Variants in GSS observed in about 807,000 individuals in gnomAD.
GSS encodes GSH synthetase.
Under a neutral mutation model 60.4 loss-of-function variants are expected in GSS, and 34 were observed. The observed-to-expected ratio is 0.56, with a 90% CI of 0.43 to 0.75. The LOEUF is 0.75. Among genes scored for constraint, GSS ranks in the 30% least tolerant of loss-of-function variants. The pLI is 0.00. For synonymous variants in GSS, 224 were observed against 239.0 expected, an observed-to-expected ratio of 0.94 and a Z score of 0.58; for missense variants, 499 against 595.1, an observed-to-expected ratio of 0.84 and a Z score of 1.68.
At chr20:34,941,138 C>T (rs758871087) in intron 6 of GSS, among the ~76,000 whole-genome samples, 1 of 152,070 alleles carries the variant, frequency 6.6e-6, no homozygotes, top group African/African-American at 2.4e-5. Context: ...GGGCGGATCA[C>T]GAGGTCAGGA....
rs531425565 is a variant in GSS at position 34,945,960 on chromosome 20, G to A, written c.268C>T (p.Leu90Phe). 1.2e-6 allele frequency: 2 copies of A among 1,613,992 alleles called. No homozygotes were observed. The highest frequency in any genetic ancestry group is 1.1e-5 in the South Asian group (1 of 91,086). Reference sequence around the variant, plus strand: ...TGCTTCACTGTCCCCTACCTGGAAAGAGTTTGCTCCAGGAAGGCAGCGTTC... The same window carrying A: ...TGCTTCACTGTCCCCTACCTGGAAAAAGTTTGCTCCAGGAAGGCAGCGTTC... ...SQNAAFLEQT[L>F]SSTIKQDDFT... is the part of the protein sequence containing the mutation. The change falls in exon 3 of 13, where the codon CTT becomes TTT. Residue 90 changes from leucine (L) to phenylalanine (F), a missense_variant. Physicochemically the swap from Leu to Phe is conservative, Grantham distance 22. Coordinates refer to ENST00000651619, the MANE Select transcript of GSS (RefSeq NM_000178.4).
intron 6 of GSS, among the ~76,000 whole-genome samples, chr20:34,938,912 T>C (rs2081461896): frequency 6.6e-6 from 1 of 152,144 alleles, no homozygotes. Context: ...TAAGGCAATT[T>C]CGTTCCTTGG....
chr20:34,951,556 A>T, intron 2 of GSS, 168 bp downstream of exon 2: 1 of 712,498 alleles, frequency 1.4e-6, no homozygotes, highest in Non-Finnish European at 2.3e-6. Context: ...AAATTTGATT[A>T]CTCCAGGACA....
rs146892410 is a variant in GSS at position 34,947,454 on chromosome 20, A to G, written c.130-1356T>C. ...TACAAAATTCAAAAGAGACATAAGAATATATAGTGAGAAGTATGTCTCACT... is the reference window on the plus strand; with the variant it reads ...TACAAAATTCAAAAGAGACATAAGAGTATATAGTGAGAAGTATGTCTCACT... On this transcript the variant is annotated intron_variant, in intron 2 of 12. Coordinates refer to ENST00000651619, the MANE Select transcript of GSS (RefSeq NM_000178.4). Among the ~76,000 whole-genome samples the G allele has an allele frequency of 8.5e-4, 129 of 152,320 alleles. 1 individual carries two copies. The highest frequency in any genetic ancestry group is 3.0e-3 in the African/African-American group (125 of 41,574).
intron 2 of GSS, among the ~76,000 whole-genome samples, chr20:34,949,200 T>G (rs2081546482): frequency 6.6e-6 from 1 of 152,184 alleles, no homozygotes; most frequent in African/African-American, 2.4e-5. Context: ...TCAAATGTAT[T>G]TGAACGTATT....
At position 34,939,642 on chromosome 20, in the gene GSS, CTAT is replaced by C. The variant is rs1478659057; in HGVS notation, c.608+2068_608+2070del. ...AAAACTAATACTTGTCAAATGATAG[CTAT>C]TATTATTATTATTTGGGTTTGTTTT... On this transcript the variant is annotated intron_variant, in intron 6 of 12. Transcript: ENST00000651619. 2.0e-5 allele frequency among the ~76,000 whole-genome samples: 3 copies of C among 150,386 alleles called. No homozygotes were observed. In the East Asian group the frequency reaches 5.8e-4, roughly 29 times the overall value.
At chr20:34,938,105 G>A (rs1205612735) in intron 6 of GSS, among the ~76,000 whole-genome samples, 12 of 152,106 alleles carry the variant, frequency 7.9e-5, no homozygotes, top group East Asian at 3.9e-4. Flanking sequence ...TGATCTGCCC[G>A]CCTCGGCCTC....
chr20:34,935,433 T>C, intron 9 of GSS, 143 bp downstream of exon 9: 1 of 719,866 alleles, frequency 1.4e-6, no homozygotes, highest in African/African-American at 1.7e-5. Flanking sequence ...TGAGGGAGGA[T>C]AGGAGGTTCT....
At chr20:34,945,531 G>A (rs1230626512) in intron 3 of GSS, among the ~76,000 whole-genome samples, 4 of 152,104 alleles carry the variant, frequency 2.6e-5, no homozygotes, top group South Asian at 2.1e-4. Context: ...AGAAAGTGTC[G>A]CTGCTTAGGA....
intron 6 of GSS, among the ~76,000 whole-genome samples, chr20:34,938,797 A>G (rs1342178166): frequency 6.6e-6 from 1 of 152,214 alleles, no homozygotes; most frequent in Non-Finnish European, 1.5e-5. Context: ...CTAGTAGGAA[A>G]GTTGTCAGCT....
chr20:34,932,292 T>C (rs888456828), intron 9 of GSS, among the ~76,000 whole-genome samples, 159 bp from the exon 10 acceptor site: 1 of 152,230 alleles, frequency 6.6e-6, no homozygotes, highest in African/African-American at 2.4e-5. Context: ...GTGTGATATG[T>C]TGTAGTTATG....
intron 12 of GSS, 31 bp from the exon 13 acceptor site, chr20:34,928,982 A>G: frequency 6.2e-7 from 1 of 1,612,220 alleles, no homozygotes; most frequent in Non-Finnish European, 8.5e-7. Flanking sequence ...GACACACATC[A>G]CCTGGACTCA....
At chr20:34,939,357 G>A (rs541373451) in intron 6 of GSS, among the ~76,000 whole-genome samples, 1 of 152,262 alleles carries the variant, frequency 6.6e-6, no homozygotes, top group Admixed American at 6.5e-5. Flanking sequence ...TTGAGAGTTT[G>A]TCTAAATTGA....
chr20:34,938,336 C>CT (rs1342706339), intron 6 of GSS, among the ~76,000 whole-genome samples: 1 of 152,178 alleles, frequency 6.6e-6, no homozygotes, highest in Non-Finnish European at 1.5e-5. Context: ...AGTCTAAACT[C>CT]TGTTTGCCTG....
chr20:34,946,109 G>C lies in GSS; in HGVS notation c.130-11C>G. The C allele has an allele frequency of 6.2e-7, 1 of 1,605,864 alleles. No individual in the cohort carries two copies. The highest frequency in any genetic ancestry group is 2.2e-5 in the East Asian group (1 of 44,698). On this transcript the variant is annotated splice_polypyrimidine_tract_variant and intron_variant, in intron 2 of 12. Coordinates refer to ENST00000651619, the MANE Select transcript of GSS (RefSeq NM_000178.4). ...GGCATAGCTCACCACCTGTGATCAA[G>C]AAGAGAGAATGGGACAGGGGTAGGG...
intron 6 of GSS, among the ~76,000 whole-genome samples, chr20:34,938,695 C>T (rs559108212): frequency 6.6e-6 from 1 of 152,170 alleles, no homozygotes; most frequent in African/African-American, 2.4e-5. Flanking sequence ...ATTAAGTCAG[C>T]CTGCCAACTG....
At chr20:34,940,315 G>C (rs1410790883) in intron 6 of GSS, among the ~76,000 whole-genome samples, 1 of 152,204 alleles carries the variant, frequency 6.6e-6, no homozygotes, top group East Asian at 1.9e-4. Context: ...TCTGTCAGCA[G>C]TTCCCCAGCT....
chr20:34,940,548 TAAC>T (rs2081474595), intron 6 of GSS, among the ~76,000 whole-genome samples: 1 of 152,152 alleles, frequency 6.6e-6, no homozygotes, highest in Admixed American at 6.5e-5. Flanking sequence ...CACTTAGCCT[TAAC>T]AATTCACTTC....
chr20:34,931,031 G>T (rs34526995), intron 11 of GSS, among the ~76,000 whole-genome samples: 7,593 of 152,200 alleles, frequency 0.05, 268 homozygotes, highest in East Asian at 0.08. Context: ...TTTCAAACTA[G>T]AAAGGAAAAC....
Sources: gnomAD v4.1 joint callset for allele counts (sites outside exome capture counted in the v4.1 genomes callset) on GRCh38, gnomAD v4.1.1 for gene constraint, MANE v1.5 for transcripts, NCBI Gene and HGNC (gene_info 2026-07-23, HGNC 2026-07-21) for gene names.